VPS13B: variants seen among roughly 807,000 people sequenced by gnomAD.
VPS13B encodes vacuolar protein sorting 13 homolog B, also known as intermembrane lipid transfer protein VPS13B.
VPS13B carries 285 observed loss-of-function variants against 426.4 expected under a neutral mutation model. That is an observed-to-expected ratio of 0.67 (90% CI 0.61 to 0.74). VPS13B has a LOEUF of 0.74. Ranked by LOEUF, VPS13B falls within the 30% of genes least tolerant of loss-of-function variation. The pLI is 0.00. For synonymous variants in VPS13B, 1,676 were observed against 1,676.4 expected (o/e 1.00, Z 0.01); for missense variants, 4,537 against 4,782.6 (o/e 0.95, Z 1.51).
chr8:99,323,067 G>C (rs1428237604), intron 19 of VPS13B, among the ~76,000 whole-genome samples: 3 of 152,236 alleles, frequency 2.0e-5, no homozygotes, highest in Non-Finnish European at 2.9e-5. Context: ...CTTCAGCCTA[G>C]AGGGTGGGGT....
At chr8:99,580,550 A>G (rs1825999350) in intron 33 of VPS13B, among the ~76,000 whole-genome samples, 1 of 151,804 alleles carries the variant, frequency 6.6e-6, no homozygotes. Flanking sequence ...GGCAATATTT[A>G]TTTGAAAGAT....
At chr8:99,650,352 T>G (rs1257971089) in intron 34 of VPS13B, among the ~76,000 whole-genome samples, 1 of 152,232 alleles carries the variant, frequency 6.6e-6, no homozygotes, top group Non-Finnish European at 1.5e-5. Flanking sequence ...TTTCATATAC[T>G]ATCAAATCAA....
At chr8:99,852,159 A>G (rs1588784267) in intron 55 of VPS13B, among the ~76,000 whole-genome samples, 1 of 152,348 alleles carries the variant, frequency 6.6e-6, no homozygotes. Context: ...TATGGCTGCC[A>G]TTAACTAAGA....
chr8:99,032,960 C>T (rs1020760477), intron 2 of VPS13B, among the ~76,000 whole-genome samples: 7 of 152,234 alleles, frequency 4.6e-5, no homozygotes, highest in Admixed American at 2.6e-4. Flanking sequence ...TACTATAGCT[C>T]CATTTTCTTC....
At chr8:99,075,601 GT>G (rs1845077166) in intron 3 of VPS13B, among the ~76,000 whole-genome samples, 1 of 152,088 alleles carries the variant, frequency 6.6e-6, no homozygotes, top group Non-Finnish European at 1.5e-5. Flanking sequence ...TTTCTTTCTG[GT>G]TCAGTCTTAA....
intron 8 of VPS13B, among the ~76,000 whole-genome samples, chr8:99,125,363 T>C (rs1164263748): frequency 2.0e-5 from 3 of 152,238 alleles, no homozygotes; most frequent in Non-Finnish European, 2.9e-5. Context: ...TCCTTCCACA[T>C]TCTTCTGCCT....
intron 31 of VPS13B, among the ~76,000 whole-genome samples, chr8:99,574,838 T>C (rs1825693539): frequency 6.6e-6 from 1 of 152,080 alleles, no homozygotes; most frequent in Admixed American, 6.5e-5. Context: ...ACATACAGGA[T>C]TGTTTTCAGG....
At chr8:99,577,753 CA>C in intron 33 of VPS13B, 120 bp downstream of exon 33, 1 of 1,288,154 alleles carries the variant, frequency 7.8e-7, no homozygotes, top group Non-Finnish European at 1.1e-6. Flanking sequence ...TAACTTTATT[CA>C]AAATATAGTC....
At chr8:99,540,061 A>T (rs1393799700) in intron 30 of VPS13B, among the ~76,000 whole-genome samples, 97 of 5,690 alleles carry the variant, frequency 0.017, 2 homozygotes, top group Non-Finnish European at 0.022. Flanking sequence ...ATATATATAT[A>T]TATTTTTTTT....
intron 19 of VPS13B, among the ~76,000 whole-genome samples, chr8:99,337,246 A>T (rs1457973337): frequency 6.6e-6 from 1 of 151,948 alleles, no homozygotes; most frequent in Non-Finnish European, 1.5e-5. Flanking sequence ...CATCATTCTC[A>T]GTGAAGTATC....
intron 33 of VPS13B, among the ~76,000 whole-genome samples, chr8:99,596,171 G>A (rs1459932311): frequency 2.6e-5 from 4 of 151,798 alleles, no homozygotes; most frequent in Non-Finnish European, 4.4e-5. Flanking sequence ...TATCTTCTCT[G>A]AAAAGAATTT....
intron 25 of VPS13B, among the ~76,000 whole-genome samples, chr8:99,497,175 AT>A (rs1173479029): frequency 7.2e-6 from 1 of 138,256 alleles, no homozygotes; most frequent in Non-Finnish European, 1.5e-5. Context: ...ATATTTATAT[AT>A]TTAATATATA....
At chr8:99,474,169 T>G (rs1428150494) in intron 24 of VPS13B, among the ~76,000 whole-genome samples, 1 of 150,264 alleles carries the variant, frequency 6.7e-6, no homozygotes, top group Non-Finnish European at 1.5e-5. Flanking sequence ...CTTCAAACAA[T>G]GGACTGTTAT....
chr8:99,801,402 G>A (rs1050652362), intron 43 of VPS13B, among the ~76,000 whole-genome samples: 1 of 152,124 alleles, frequency 6.6e-6, no homozygotes, highest in African/African-American at 2.4e-5. Flanking sequence ...TTCACAAATA[G>A]TTTGAAGCCA....
chr8:99,331,824 T>C (rs1006057955), intron 19 of VPS13B, among the ~76,000 whole-genome samples: 5 of 151,778 alleles, frequency 3.3e-5, no homozygotes, highest in Admixed American at 1.3e-4. Flanking sequence ...GACAGAAGGA[T>C]ACATTGCATG....
At chr8:99,338,913 A>T (rs921718436) in intron 19 of VPS13B, among the ~76,000 whole-genome samples, 4 of 152,168 alleles carry the variant, frequency 2.6e-5, no homozygotes, top group African/African-American at 9.6e-5. Context: ...ATTATGAGGT[A>T]TGTCAGACAT....
chr8:99,799,847 A>G (rs1391659851), intron 43 of VPS13B, among the ~76,000 whole-genome samples: 2 of 152,190 alleles, frequency 1.3e-5, no homozygotes, highest in African/African-American at 4.8e-5. Flanking sequence ...TATTTTGTCA[A>G]AATTGATTTT....
At chr8:99,073,857 A>G (rs1424310482) in intron 3 of VPS13B, among the ~76,000 whole-genome samples, 1 of 151,104 alleles carries the variant, frequency 6.6e-6, no homozygotes, top group Non-Finnish European at 1.5e-5. Flanking sequence ...TGCAGCCTCA[A>G]CCTCCCTGAC....
chr8:99,425,428 C>T (rs887502758), intron 21 of VPS13B, among the ~76,000 whole-genome samples: 1 of 152,062 alleles, frequency 6.6e-6, no homozygotes, highest in East Asian at 1.9e-4. Context: ...AGTCAATAAA[C>T]ATAATCCAGC....
Sources: allele counts gnomAD v4.1 joint callset (sites outside exome capture counted in the v4.1 genomes callset), GRCh38; gene constraint gnomAD v4.1.1; transcripts MANE v1.5; gene names NCBI Gene and HGNC (gene_info 2026-07-23, HGNC 2026-07-21).